The following SMARCA2 variants were observed in gnomAD, a reference collection of about 807,000 sequenced individuals.
The protein encoded by SMARCA2 is SWI/SNF related BAF chromatin remodeling complex subunit ATPase 2.
SMARCA2 carries 61 observed loss-of-function variants against 199.8 expected under a neutral mutation model. The observed-to-expected ratio is 0.31, with a 90% CI of 0.25 to 0.38. SMARCA2 has a LOEUF of 0.38. Ranked by LOEUF, SMARCA2 falls within the 10% of genes least tolerant of loss-of-function variation. SMARCA2 has a pLI of 1.00. For synonymous variants in SMARCA2, 935 were observed against 732.0 expected (o/e 1.28, Z -4.48); for missense variants, 1,344 against 2,012.2 (o/e 0.67, Z 6.35).
At chr9:2,109,242 T>G (rs1374257719) in intron 23 of SMARCA2, among the ~76,000 whole-genome samples, 1 of 152,224 alleles carries the variant, frequency 6.6e-6, no homozygotes, top group Non-Finnish European at 1.5e-5. Context: ...TCATGTAACA[T>G]GCATACATAT....
intron 24 of SMARCA2, among the ~76,000 whole-genome samples, chr9:2,111,511 G>A (rs10964798): frequency 0.17 from 22,746 of 137,234 alleles, 2,333 homozygotes; most frequent in African/African-American, 0.29. Flanking sequence ...AAAAAAAAAA[G>A]AAAAGCAAAA....
chr9:2,090,901 C>T lies in SMARCA2; in HGVS notation c.2883+2288C>T, dbSNP rs535550531. On this transcript the variant is annotated intron_variant, in intron 19 of 33. Coordinates refer to ENST00000349721, the MANE Select transcript of SMARCA2 (RefSeq NM_003070.5). The stretch of plus-strand genomic sequence containing the variant: ...GGAAAGTTGGAAATTTCATTGCCAT[C>T]CTAGGGGGTAAAGAAGTTTCTTCTA... Among the ~76,000 whole-genome samples, 17 of 151,646 alleles carry T rather than the reference C, an allele frequency of 1.1e-4. No homozygotes were observed. In the East Asian group the frequency reaches 2.5e-3, roughly 22 times the overall value.
intron 1 of SMARCA2, among the ~76,000 whole-genome samples, chr9:2,022,707 A>G (rs1325040843): frequency 6.6e-6 from 1 of 152,234 alleles, no homozygotes; most frequent in Non-Finnish European, 1.5e-5. Flanking sequence ...CAGTCAGAAA[A>G]GGAAGTGGCT....
At chr9:2,027,101 T>C (rs1818865467) in intron 1 of SMARCA2, among the ~76,000 whole-genome samples, 1 of 151,720 alleles carries the variant, frequency 6.6e-6, no homozygotes, top group African/African-American at 2.4e-5. Flanking sequence ...AGGATTTCTT[T>C]ATGGGAACAC....
chr9:2,163,244 C>G (rs1047507265), intron 28 of SMARCA2, among the ~76,000 whole-genome samples: 10 of 152,162 alleles, frequency 6.6e-5, no homozygotes, highest in African/African-American at 2.4e-4. Context: ...ATTTTGCCCA[C>G]CAGGTCTCTC....
At chr9:2,089,790 G>A (rs1447466161) in intron 19 of SMARCA2, among the ~76,000 whole-genome samples, 1 of 152,098 alleles carries the variant, frequency 6.6e-6, no homozygotes, top group Non-Finnish European at 1.5e-5. Context: ...TTGATGAATG[G>A]GTATAGTGGC....
intron 19 of SMARCA2, 100 bp downstream of exon 19, chr9:2,088,713 T>C: frequency 1.2e-6 from 1 of 807,134 alleles, no homozygotes; most frequent in Non-Finnish European, 2.1e-6. Flanking sequence ...AGCAGACTCA[T>C]ATTGTAGTTA....
intron 27 of SMARCA2, among the ~76,000 whole-genome samples, chr9:2,124,285 A>G (rs901903552): frequency 6.6e-6 from 1 of 152,194 alleles, no homozygotes; most frequent in African/African-American, 2.4e-5. Context: ...TCCAACTGAG[A>G]ATCAAAATGT....
chr9:2,183,075 A>G (rs1417400391), intron 31 of SMARCA2, among the ~76,000 whole-genome samples: 1 of 152,186 alleles, frequency 6.6e-6, no homozygotes, highest in Non-Finnish European at 1.5e-5. Context: ...ACAGGTGTGC[A>G]CCACTGTGCC....
intron 29 of SMARCA2, among the ~76,000 whole-genome samples, chr9:2,177,260 G>A (rs940419163): frequency 4.6e-5 from 7 of 152,148 alleles, no homozygotes; most frequent in Admixed American, 3.3e-4. Flanking sequence ...ATTCCTTTAG[G>A]ATTGTGATAG....
At chr9:2,171,368 A>G (rs1033566448) in intron 29 of SMARCA2, among the ~76,000 whole-genome samples, 1 of 152,184 alleles carries the variant, frequency 6.6e-6, no homozygotes, top group African/African-American at 2.4e-5. Flanking sequence ...GAGAGAGAGA[A>G]TTGAGGATGT....
rs191980265 is a variant in SMARCA2 at position 2,150,070 on chromosome 9, G to A, written c.3982-11616G>A. On this transcript the variant is annotated intron_variant, in intron 27 of 33. Transcript: ENST00000349721. Reference sequence around the variant, plus strand: ...TACATACATGTATGTGAGTACATGCGTCTGTATCTATTGCTAACCAAATAC... The same window carrying A: ...TACATACATGTATGTGAGTACATGCATCTGTATCTATTGCTAACCAAATAC... 1.8e-3 allele frequency among the ~76,000 whole-genome samples: 268 copies of A among 151,540 alleles called. 13 individuals are homozygous for A. Among genetic ancestry groups the A allele is most frequent in the Non-Finnish European group, 2.7e-3 (186 of 67,706 alleles).
At chr9:2,046,558 C>A (rs1359205665) in intron 4 of SMARCA2, among the ~76,000 whole-genome samples, 3 of 152,026 alleles carry the variant, frequency 2.0e-5, no homozygotes, top group Non-Finnish European at 2.9e-5. Context: ...GCTTTATAGG[C>A]CTTAAAAGAA....
At chr9:2,058,149 A>C in intron 7 of SMARCA2, 142 bp from the exon 8 acceptor site, 1 of 713,256 alleles carries the variant, frequency 1.4e-6, no homozygotes, top group South Asian at 1.7e-5. Flanking sequence ...CAGAGACACC[A>C]GGGCACCTAT....
Position 2,161,259 on chromosome 9 carries a change from G to A in SMARCA2, c.3982-427G>A, listed in dbSNP as rs1825659075. ...TCAAAGCTTATATGATCGTGTGGAT[G>A]TATTCTTAGGGATTGTTTTTTCATA... On this transcript the variant is annotated intron_variant, in intron 27 of 33. Transcript: ENST00000349721. The surrounding 1 kb of genome is among the most constrained non-coding windows in gnomAD (Gnocchi z 4.7). Among the ~76,000 whole-genome samples, 5 of 152,152 alleles carry A rather than the reference G, an allele frequency of 3.3e-5. No homozygotes were observed.
chr9:2,054,509 A>G, intron 5 of SMARCA2, 88 bp from the exon 6 acceptor site: 2 of 1,499,676 alleles, frequency 1.3e-6, no homozygotes, highest in Non-Finnish European at 1.8e-6. Context: ...CCCCGGACTT[A>G]AACCTAATGT....
At chr9:2,130,415 G>A (rs910403220) in intron 27 of SMARCA2, among the ~76,000 whole-genome samples, 1 of 152,160 alleles carries the variant, frequency 6.6e-6, no homozygotes, top group Admixed American at 6.5e-5. Flanking sequence ...GCTCTTGATC[G>A]TAAAGGTGGT....
intron 5 of SMARCA2, among the ~76,000 whole-genome samples, chr9:2,049,569 A>T (rs1362405949): frequency 2.0e-5 from 3 of 152,174 alleles, no homozygotes; most frequent in Non-Finnish European, 2.9e-5. Flanking sequence ...GATCTGGACA[A>T]CCCTGAATCC....
chr9:2,158,653 G>GT (rs375367324), intron 27 of SMARCA2: 4,845 of 298,540 alleles, frequency 0.016, 107 homozygotes, highest in African/African-American at 0.066. Flanking sequence ...AAGTTTTGGG[G>GT]TTTTTTTTGT....
Sources: gnomAD v4.1 joint callset for allele counts (sites outside exome capture counted in the v4.1 genomes callset) on GRCh38, gnomAD v4.1.1 for gene constraint, Gnocchi (gnomAD v3.1) non-coding constraint, MANE v1.5 for transcripts, NCBI Gene and HGNC (gene_info 2026-07-23, HGNC 2026-07-21) for gene names.